Variants in TCF12 observed in about 807,000 individuals in gnomAD.
TCF12 encodes transcription factor 12, also known as DNA-binding protein HTF4.
A neutral mutation model predicts 86.0 loss-of-function variants in TCF12; 45 were observed. That is an observed-to-expected ratio of 0.52 (90% CI 0.41 to 0.67). The LOEUF (loss-of-function observed/expected upper bound fraction) is 0.67. Ranked by LOEUF, TCF12 falls within the 30% of genes least tolerant of loss-of-function variation. The probability of loss-of-function intolerance (pLI) is 0.00; values close to 1 mark genes in which losing one functional copy is unlikely to be tolerated. For missense variants in TCF12, 881 were observed against 859.9 expected (o/e 1.02, Z -0.31); for synonymous variants, 330 against 299.6 (o/e 1.10, Z -1.05).
chr15:57,183,363 G>A (rs1182515147), intron 6 of TCF12, among the ~76,000 whole-genome samples: 1 of 152,130 alleles, frequency 6.6e-6, no homozygotes, highest in Non-Finnish European at 1.5e-5. Flanking sequence ...TTGAGAATAA[G>A]TTGACATTTT....
At chr15:56,956,599 T>C (rs1390265187) in intron 3 of TCF12, among the ~76,000 whole-genome samples, 2 of 152,164 alleles carry the variant, frequency 1.3e-5, no homozygotes, top group African/African-American at 4.8e-5. Context: ...TTTCAGCTTT[T>C]TCATGTCTGA....
At chr15:57,078,487 T>C (rs2585092) in intron 4 of TCF12, among the ~76,000 whole-genome samples, 1,881 of 152,330 alleles carry the variant, frequency 0.012, 43 homozygotes, top group African/African-American at 0.043. Context: ...TTCTTGTGAC[T>C]TCTTGTGACT....
chr15:57,274,525 C>T (rs2061291468), intron 19 of TCF12, among the ~76,000 whole-genome samples: 1 of 152,220 alleles, frequency 6.6e-6, no homozygotes, highest in Admixed American at 6.5e-5. Context: ...TTGTTACCCA[C>T]TCGCCTGTGG....
intron 5 of TCF12, among the ~76,000 whole-genome samples, chr15:57,159,796 C>T (rs1163452817): frequency 6.6e-6 from 1 of 152,098 alleles, no homozygotes; most frequent in African/African-American, 2.4e-5. Context: ...GAATGTCTTA[C>T]AAAAATGAAC....
intron 3 of TCF12, among the ~76,000 whole-genome samples, chr15:56,991,630 T>C (rs1169008728): frequency 1.3e-5 from 2 of 152,184 alleles, no homozygotes; most frequent in Non-Finnish European, 2.9e-5. Flanking sequence ...TGAATGAAGA[T>C]GGTCTAAAGA....
intron 3 of TCF12, among the ~76,000 whole-genome samples, chr15:57,026,457 T>G (rs543409109): frequency 6.6e-6 from 1 of 152,312 alleles, no homozygotes; most frequent in South Asian, 2.1e-4. Flanking sequence ...GTAGGACTCT[T>G]GTAGAAGAGA....
At chr15:57,048,250 G>GTTTGT (rs140195356) in intron 3 of TCF12, among the ~76,000 whole-genome samples, 36 of 151,632 alleles carry the variant, frequency 2.4e-4, no homozygotes, top group South Asian at 4.2e-4. Flanking sequence ...TTGTTTGTTT[G>GTTTGT]TTTGTTTTGT....
At chr15:56,952,145 A>C (rs1404549034) in intron 3 of TCF12, among the ~76,000 whole-genome samples, 1 of 151,700 alleles carries the variant, frequency 6.6e-6, no homozygotes, top group African/African-American at 2.4e-5. Context: ...ATGTTTGTGA[A>C]CAAAAATAGT....
intron 16 of TCF12, among the ~76,000 whole-genome samples, chr15:57,255,127 AC>A (rs1174158079): frequency 3.3e-5 from 5 of 152,284 alleles, no homozygotes; most frequent in South Asian, 2.1e-4. Flanking sequence ...TTAATTCTTC[AC>A]TTTTACTAGC....
rs185812140 is a variant in TCF12, at chr15:57,028,297, G to A, written c.149-35453G>A. Among the ~76,000 whole-genome samples, 4 of 152,184 alleles carry A rather than the reference G, an allele frequency of 2.6e-5. No individual in the cohort carries two copies. In the East Asian group the frequency reaches 7.7e-4, roughly 29 times the overall value. On this transcript the variant is annotated intron_variant, in intron 3 of 20. Coordinates refer to ENST00000333725, the MANE Select transcript of TCF12 (RefSeq NM_207037.2). Reference sequence around the variant, plus strand: ...TTCTTTATAAATTACCCAGTCTCGGGTATTTCTTCATAGCCTTATGAAAAT... The same window carrying A: ...TTCTTTATAAATTACCCAGTCTCGGATATTTCTTCATAGCCTTATGAAAAT...
intron 3 of TCF12, among the ~76,000 whole-genome samples, chr15:56,970,392 A>C (rs1483394530): frequency 6.7e-6 from 1 of 148,674 alleles, no homozygotes; most frequent in Non-Finnish European, 1.5e-5. Flanking sequence ...ATGCAGGAGA[A>C]TTGCTTGAAT....
chr15:57,171,781 G>A (rs533162781), intron 6 of TCF12, among the ~76,000 whole-genome samples: 3 of 152,256 alleles, frequency 2.0e-5, no homozygotes, highest in Admixed American at 2.0e-4. Flanking sequence ...TTTTATTGAT[G>A]AAACACAGAG....
chr15:57,233,331 A>G (rs1342497482), intron 11 of TCF12, among the ~76,000 whole-genome samples: 4 of 151,596 alleles, frequency 2.6e-5, no homozygotes, highest in African/African-American at 9.7e-5. Flanking sequence ...ATGTACCACC[A>G]TACTCAGCTA....
At position 57,127,352 on chromosome 15, in the gene TCF12, C is replaced by T. The variant is rs561541216; in HGVS notation, c.325+35461C>T. 5.9e-5 allele frequency among the ~76,000 whole-genome samples: 9 copies of T among 152,136 alleles called. No homozygotes were observed. The South Asian group carries it at 1.9e-3, about 32-fold the overall frequency. On this transcript the variant is annotated intron_variant, in intron 5 of 20. Coordinates refer to ENST00000333725, the MANE Select transcript of TCF12 (RefSeq NM_207037.2). ...ATATTTATAAAACAATTACAATATA[C>T]AAGAAGTTCTGCTAAACTTTGAGGA...
intron 4 of TCF12, among the ~76,000 whole-genome samples, chr15:57,082,958 ATAGAG>A (rs1431677434): frequency 1.3e-5 from 2 of 152,212 alleles, no homozygotes; most frequent in African/African-American, 4.8e-5. Context: ...ATGTTTATAA[ATAGAG>A]TATTCTATAG....
chr15:57,231,472 T>C (rs578152544), intron 9 of TCF12, among the ~76,000 whole-genome samples: 2 of 152,264 alleles, frequency 1.3e-5, no homozygotes, highest in African/African-American at 4.8e-5. Context: ...GCTGGTCCAG[T>C]ATTGATTGAA....
rs1201992200 is a variant in TCF12, at chr15:57,232,701, T to C, written c.826-11T>C. 1.2e-6 allele frequency: 2 copies of C among 1,608,230 alleles called. No individual in the cohort carries two copies. Among genetic ancestry groups the C allele is most frequent in the East Asian group, 4.5e-5 (2 of 44,464 alleles). The stretch of plus-strand genomic sequence containing the variant: ...AAATATATTTAATAGATCATATCTC[T>C]TTCCATCTAGAGTTATCCTCCACAC... On this transcript the variant is annotated splice_polypyrimidine_tract_variant and intron_variant, in intron 10 of 20. Transcript: ENST00000333725.
intron 3 of TCF12, among the ~76,000 whole-genome samples, chr15:57,047,099 C>T (rs954737980): frequency 3.9e-5 from 6 of 152,176 alleles, no homozygotes; most frequent in Non-Finnish European, 8.8e-5. Context: ...GGACACAGAG[C>T]AAACTCAGAA....
intron 18 of TCF12, among the ~76,000 whole-genome samples, chr15:57,267,091 C>T (rs2060905917): frequency 6.6e-6 from 1 of 151,884 alleles, no homozygotes; most frequent in Non-Finnish European, 1.5e-5. Flanking sequence ...TGTGGTACAC[C>T]CTATTTCTTG....
Sources: gnomAD v4.1 joint callset for allele counts (sites outside exome capture counted in the v4.1 genomes callset) on GRCh38, gnomAD v4.1.1 for gene constraint, MANE v1.5 for transcripts, NCBI Gene and HGNC (gene_info 2026-07-23, HGNC 2026-07-21) for gene names.